Variants in LRMDA observed in about 807,000 individuals in gnomAD.
The protein encoded by LRMDA is leucine-rich melanocyte differentiation-associated protein.
LRMDA carries 18 observed loss-of-function variants against 29.8 expected under a neutral mutation model. That is an observed-to-expected ratio of 0.60 (90% CI 0.42 to 0.90). The LOEUF (loss-of-function observed/expected upper bound fraction) is 0.90. LRMDA is among the 40% of genes least tolerant of loss of function. LRMDA has a pLI of 0.00. For synonymous variants in LRMDA, 125 were observed against 109.4 expected, an observed-to-expected ratio of 1.14 and a Z score of -0.89; for missense variants, 273 against 273.9, an observed-to-expected ratio of 1.00 and a Z score of 0.02.
intron 5 of LRMDA, among the ~76,000 whole-genome samples, chr10:76,209,588 C>G (rs182777344): frequency 2.4e-3 from 369 of 152,310 alleles, no homozygotes; most frequent in Middle Eastern, 6.8e-3. Context: ...TTCTGGGGTC[C>G]TTGCTTTGAG....
At chr10:75,521,209 C>A (rs1030287749) in intron 2 of LRMDA, among the ~76,000 whole-genome samples, 1 of 152,224 alleles carries the variant, frequency 6.6e-6, no homozygotes, top group East Asian at 1.9e-4. Flanking sequence ...AGAGCTCAAA[C>A]GCCATGCTGG....
chr10:76,372,813 A>G (rs1051293755), intron 6 of LRMDA, among the ~76,000 whole-genome samples: 1 of 151,978 alleles, frequency 6.6e-6, no homozygotes, highest in East Asian at 1.9e-4. Context: ...GCAATATGGG[A>G]CCAGTTGATT....
intron 5 of LRMDA, among the ~76,000 whole-genome samples, chr10:76,084,872 C>T (rs1460958204): frequency 2.6e-5 from 4 of 152,182 alleles, no homozygotes; most frequent in Non-Finnish European, 5.9e-5. Context: ...GGTGGGACTA[C>T]AATTTACTTC....
chr10:75,721,090 G>A (rs192864792), intron 2 of LRMDA, among the ~76,000 whole-genome samples: 22 of 152,376 alleles, frequency 1.4e-4, no homozygotes, highest in African/African-American at 4.1e-4. Context: ...TTGAAAGCCA[G>A]TGGTCTTTTG....
intron 2 of LRMDA, chr10:75,742,673 T>A (rs1842844596): frequency 6.6e-6 from 1 of 152,182 alleles, no homozygotes; most frequent in African/African-American, 2.4e-5. Flanking sequence ...GCTCTTGGGG[T>A]ACAGGTGAAT....
chr10:75,831,250 C>A (rs191185461), intron 2 of LRMDA, among the ~76,000 whole-genome samples: 1 of 152,078 alleles, frequency 6.6e-6, no homozygotes, highest in Non-Finnish European at 1.5e-5. Flanking sequence ...GGTTTTACTG[C>A]GCTAACCAGG....
chr10:76,146,762 T>C (rs1850330578), intron 5 of LRMDA, among the ~76,000 whole-genome samples: 1 of 152,196 alleles, frequency 6.6e-6, no homozygotes, highest in Non-Finnish European at 1.5e-5. Flanking sequence ...TGTTAGTTGA[T>C]GCAGTTTCTT....
In LRMDA at chr10:75,811,899, T is replaced by C. The variant is rs140819394; in HGVS notation, c.132-224109T>C. Among the ~76,000 whole-genome samples, 914 of 152,308 alleles carry C rather than the reference T, an allele frequency of 6.0e-3. 6 individuals carry two copies. Among genetic ancestry groups the C allele is most frequent in the Admixed American group, 0.012 (184 of 15,310 alleles). On this transcript the variant is annotated intron_variant, in intron 2 of 6. Coordinates refer to ENST00000611255, the MANE Select transcript of LRMDA (RefSeq NM_001305581.2). ...CTCATCATGCTTGTGGACAGTGAAT[T>C]GAATGATGTGAATTATACTTTATTA...
intron 2 of LRMDA, among the ~76,000 whole-genome samples, chr10:75,963,722 G>A (rs1846808386): frequency 6.6e-6 from 1 of 152,134 alleles, no homozygotes; most frequent in South Asian, 2.1e-4. Flanking sequence ...TTGAGTGAGG[G>A]CAAAAGAGAT....
At chr10:76,504,364 T>C (rs562309441) in intron 6 of LRMDA, among the ~76,000 whole-genome samples, 1 of 152,154 alleles carries the variant, frequency 6.6e-6, no homozygotes, top group South Asian at 2.1e-4. Flanking sequence ...GAGTGTCATG[T>C]TTAAATCCAT....
intron 2 of LRMDA, among the ~76,000 whole-genome samples, chr10:75,906,939 A>G (rs545085625): frequency 1.3e-5 from 2 of 152,210 alleles, no homozygotes; most frequent in Non-Finnish European, 2.9e-5. Flanking sequence ...GGCCTTTTCA[A>G]TCTCTCTTTT....
chr10:76,186,249 T>G (rs1310756856), intron 5 of LRMDA, among the ~76,000 whole-genome samples: 1 of 152,220 alleles, frequency 6.6e-6, no homozygotes. Flanking sequence ...AGAAATTCTC[T>G]GTTTAGCCTC....
rs537476359 is a variant in LRMDA, at chr10:75,707,178, G to T, written c.131+268684G>T. ...CTCTGGAGGAGCTGGCATCCAGACC[G>T]CTTTGGCCCTATCAGATTTTACTAT... On this transcript the variant is annotated intron_variant, in intron 2 of 6. Transcript: ENST00000611255. Among the ~76,000 whole-genome samples, 4 of 152,284 alleles carry T rather than the reference G, an allele frequency of 2.6e-5. No individual in the cohort carries two copies. The South Asian group carries it at 6.2e-4, about 24-fold the overall frequency.
At chr10:75,880,584 G>A (rs1333029435) in intron 2 of LRMDA, among the ~76,000 whole-genome samples, 1 of 152,162 alleles carries the variant, frequency 6.6e-6, no homozygotes, top group African/African-American at 2.4e-5. Flanking sequence ...AAACTCCCTT[G>A]ATATCTAGGT....
At chr10:75,881,253 G>A (rs114191990) in intron 2 of LRMDA, among the ~76,000 whole-genome samples, 3,877 of 152,292 alleles carry the variant, frequency 0.025, 157 homozygotes, top group African/African-American at 0.086. Flanking sequence ...AAAGGTGGCT[G>A]CTGCCCTCCT....
chr10:75,690,877 G>A (rs1328620636), intron 2 of LRMDA, among the ~76,000 whole-genome samples: 2 of 150,558 alleles, frequency 1.3e-5, no homozygotes, highest in Non-Finnish European at 3.0e-5. Context: ...GGAGGCTAAG[G>A]TGGGAGGATC....
intron 6 of LRMDA, among the ~76,000 whole-genome samples, chr10:76,510,764 T>C (rs1589219968): frequency 6.6e-6 from 1 of 152,190 alleles, no homozygotes; most frequent in African/African-American, 2.4e-5. Context: ...CCAGATGTGA[T>C]TGATCATCTT....
At chr10:75,612,152 G>A (rs1841040288) in intron 2 of LRMDA, among the ~76,000 whole-genome samples, 1 of 152,170 alleles carries the variant, frequency 6.6e-6, no homozygotes, top group Non-Finnish European at 1.5e-5. Context: ...ATACCCAGGG[G>A]GTTAAAAATT....
At chr10:76,495,272 C>T (rs936711588) in intron 6 of LRMDA, among the ~76,000 whole-genome samples, 1 of 151,874 alleles carries the variant, frequency 6.6e-6, no homozygotes, top group African/African-American at 2.4e-5. Context: ...TGTAAACTAT[C>T]TTTCTCTTCC....
Sources: gnomAD v4.1 joint callset for allele counts (sites outside exome capture counted in the v4.1 genomes callset) on GRCh38, gnomAD v4.1.1 for gene constraint, MANE v1.5 for transcripts, NCBI Gene and HGNC (gene_info 2026-07-23, HGNC 2026-07-21) for gene names.